Variants in VAV3 observed in about 807,000 individuals in gnomAD.
VAV3 encodes guanine nucleotide exchange factor VAV3.
In VAV3, 94 loss-of-function variants were observed where a neutral mutation model predicts 131.2. The observed-to-expected ratio is 0.72, with a 90% confidence interval of 0.61 to 0.85. The LOEUF (loss-of-function observed/expected upper bound fraction) is 0.85, where lower values mean the gene tolerates loss of function less well. VAV3 is among the 40% of genes least tolerant of loss of function. VAV3 has a pLI of 0.00. For synonymous variants in VAV3, 349 were observed against 342.0 expected (o/e 1.02, Z -0.22); for missense variants, 939 against 1,002.7 (o/e 0.94, Z 0.86).
chr1:107,620,886 G>A (rs1653537965), intron 20 of VAV3, among the ~76,000 whole-genome samples: 2 of 152,066 alleles, frequency 1.3e-5, no homozygotes. Flanking sequence ...ACATAAATGG[G>A]AACTGAAATC....
chr1:107,874,794 T>C (rs1670411919), intron 2 of VAV3, 107 bp downstream of exon 2: 1 of 950,218 alleles, frequency 1.1e-6, no homozygotes, highest in African/African-American at 1.7e-5. Flanking sequence ...AACTATATAA[T>C]GCAGATACAT....
intron 2 of VAV3, among the ~76,000 whole-genome samples, chr1:107,823,494 T>A (rs989135915): frequency 6.6e-6 from 1 of 151,652 alleles, no homozygotes; most frequent in East Asian, 1.9e-4. Context: ...GTGGGCTGGG[T>A]AGCATTAAAA....
At chr1:107,813,355 C>T (rs1667412220) in intron 2 of VAV3, among the ~76,000 whole-genome samples, 1 of 152,170 alleles carries the variant, frequency 6.6e-6, no homozygotes, top group Non-Finnish European at 1.5e-5. Flanking sequence ...AGCAAACTTA[C>T]TCCTCCATAT....
intron 25 of VAV3, among the ~76,000 whole-genome samples, chr1:107,578,463 T>G (rs1305622387): frequency 6.6e-6 from 1 of 152,218 alleles, no homozygotes; most frequent in Non-Finnish European, 1.5e-5. Flanking sequence ...TCCATTTTAA[T>G]GAGCAAATGA....
intron 24 of VAV3, 23 bp from the exon 25 acceptor site, chr1:107,596,364 T>C: frequency 1.2e-6 from 2 of 1,610,198 alleles, no homozygotes; most frequent in Non-Finnish European, 1.7e-6. Context: ...GAATCCAACA[T>C]ATTTTTGATA....
chr1:107,756,051 T>G (rs1429548562), intron 11 of VAV3, among the ~76,000 whole-genome samples: 1 of 152,138 alleles, frequency 6.6e-6, no homozygotes, highest in African/African-American at 2.4e-5. Context: ...CGTTTATGGA[T>G]TCAGGAGAAG....
rs1649298295 is a variant in VAV3 at position 107,572,046 on chromosome 1, C to T, written c.*1285G>A. 1 of 152,186 alleles carries T rather than the reference C, an allele frequency of 6.6e-6. No homozygotes were observed. The highest frequency in any genetic ancestry group is 2.4e-5 in the African/African-American group (1 of 41,438). The allele number at this position is 152,186 out of a possible 1,614,324, so 9.4% of individuals were successfully genotyped here. On this transcript the variant is annotated 3_prime_UTR_variant, in exon 27 of 27. Transcript: ENST00000370056. ...ACTTCTGCTATGGAGGAAATATTTC[C>T]ATCAGGAAAGGGCCAAGTTAGTGTC...
intron 20 of VAV3, among the ~76,000 whole-genome samples, chr1:107,636,989 C>T (rs1275890211): frequency 6.6e-6 from 1 of 151,926 alleles, no homozygotes; most frequent in Non-Finnish European, 1.5e-5. Flanking sequence ...TAATAAAAAT[C>T]AGAGCAGAAA....
chr1:107,733,634 G>A (rs1463028239), intron 15 of VAV3, among the ~76,000 whole-genome samples: 1 of 151,834 alleles, frequency 6.6e-6, no homozygotes, highest in Non-Finnish European at 1.5e-5. Flanking sequence ...TGGAAGAAAG[G>A]GTATAAATGA....
intron 1 of VAV3, among the ~76,000 whole-genome samples, chr1:107,881,241 T>C (rs1006531613): frequency 1.3e-5 from 2 of 152,110 alleles, no homozygotes; most frequent in African/African-American, 2.4e-5. Flanking sequence ...ACTAGGATAG[T>C]AGAAGGAGAG....
At chr1:107,861,067 A>G (rs1248178552) in intron 2 of VAV3, among the ~76,000 whole-genome samples, 1 of 151,634 alleles carries the variant, frequency 6.6e-6, no homozygotes, top group Non-Finnish European at 1.5e-5. Context: ...CTGGATCCAT[A>G]ATTGGAACTG....
chr1:107,661,748 A>G (rs1284966667), intron 19 of VAV3, among the ~76,000 whole-genome samples: 2 of 152,174 alleles, frequency 1.3e-5, no homozygotes, highest in Non-Finnish European at 2.9e-5. Flanking sequence ...ATATGACAAT[A>G]TGGGGCCATT....
intron 6 of VAV3, among the ~76,000 whole-genome samples, chr1:107,769,038 T>G (rs942069732): frequency 1.3e-5 from 2 of 152,190 alleles, no homozygotes; most frequent in Non-Finnish European, 2.9e-5. Flanking sequence ...AATAATCTTG[T>G]GCTCCACTCT....
chr1:107,674,803 C>T (rs552756781), intron 19 of VAV3, among the ~76,000 whole-genome samples: 5 of 152,282 alleles, frequency 3.3e-5, no homozygotes, highest in African/African-American at 1.2e-4. Context: ...TGGGATGTCA[C>T]TTCTGTGATT....
chr1:107,889,215 C>G (rs1375364773), intron 1 of VAV3, among the ~76,000 whole-genome samples: 2 of 149,878 alleles, frequency 1.3e-5, no homozygotes, highest in Non-Finnish European at 3.0e-5. Flanking sequence ...TAACAATGCC[C>G]AAAAACCTCC....
At chr1:107,580,800 A>T (rs569248257) in intron 25 of VAV3, among the ~76,000 whole-genome samples, 27 of 152,326 alleles carry the variant, frequency 1.8e-4, no homozygotes, top group African/African-American at 6.0e-4. Context: ...GGTATTTGAT[A>T]AAAATATTTT....
intron 1 of VAV3, among the ~76,000 whole-genome samples, chr1:107,894,747 G>T (rs1281213936): frequency 1.3e-5 from 2 of 152,120 alleles, no homozygotes; most frequent in African/African-American, 4.8e-5. Context: ...CAAACTGTTT[G>T]CTCACTATAT....
intron 19 of VAV3, among the ~76,000 whole-genome samples, chr1:107,680,203 A>G (rs565795534): frequency 1.3e-5 from 2 of 151,198 alleles, no homozygotes; most frequent in African/African-American, 4.8e-5. Context: ...TCTTTATTGC[A>G]ATAACAAACA....
chr1:107,847,165 A>AACG (rs1467060049), intron 2 of VAV3, among the ~76,000 whole-genome samples: 1 of 152,238 alleles, frequency 6.6e-6, no homozygotes, highest in East Asian at 1.9e-4. Flanking sequence ...CCTGCTCCTG[A>AACG]ACGACTACTG....
Sources: gnomAD v4.1 joint callset for allele counts (sites outside exome capture counted in the v4.1 genomes callset) on GRCh38, gnomAD v4.1.1 for gene constraint, MANE v1.5 for transcripts, NCBI Gene and HGNC (gene_info 2026-07-23, HGNC 2026-07-21) for gene names.